Variants in MICU1 observed in about 807,000 individuals in gnomAD.
MICU1 encodes the protein mitochondrial calcium uptake 1.
MICU1 carries 45 observed loss-of-function variants against 56.8 expected under a neutral mutation model. The ratio of observed to expected loss-of-function variants is 0.79; its 90% confidence interval spans 0.62 to 1.02. MICU1 has a LOEUF of 1.02. Among genes scored for constraint, MICU1 ranks in the 50% least tolerant of loss-of-function variants. MICU1 has a pLI of 0.00. For missense variants in MICU1, 504 were observed against 587.1 expected (o/e 0.86, Z 1.46); for synonymous variants, 186 against 195.1 (o/e 0.95, Z 0.39).
At chr10:72,457,760 C>A (rs1865517621) in intron 8 of MICU1, among the ~76,000 whole-genome samples, 1 of 151,864 alleles carries the variant, frequency 6.6e-6, no homozygotes, top group African/African-American at 2.4e-5. Context: ...ATAGTCACCA[C>A]CACCACAACA....
chr10:72,383,808 G>GT (rs1186793678), intron 10 of MICU1, among the ~76,000 whole-genome samples: 1 of 151,736 alleles, frequency 6.6e-6, no homozygotes, highest in Admixed American at 6.6e-5. Context: ...TTTTTTGTTT[G>GT]TTTTTTTGAG....
intron 1 of MICU1, among the ~76,000 whole-genome samples, chr10:72,583,781 A>G (rs1394330389): frequency 6.6e-6 from 1 of 152,222 alleles, no homozygotes; most frequent in Non-Finnish European, 1.5e-5. Flanking sequence ...GATGAAATGA[A>G]TATTTCAAGT....
At chr10:72,470,835 A>G (rs537845206) in intron 8 of MICU1, among the ~76,000 whole-genome samples, 241 of 152,290 alleles carry the variant, frequency 1.6e-3, no homozygotes, top group South Asian at 4.8e-3. Context: ...ATTCTTTCAC[A>G]AGAGTCTATT....
intron 4 of MICU1, among the ~76,000 whole-genome samples, chr10:72,547,774 A>C (rs1839932992): frequency 6.6e-6 from 1 of 152,208 alleles, no homozygotes. Context: ...CAAATGACCT[A>C]CATTCTTCCA....
chr10:72,432,306 T>C (rs962098014), intron 8 of MICU1, among the ~76,000 whole-genome samples: 7 of 152,112 alleles, frequency 4.6e-5, no homozygotes, highest in African/African-American at 1.7e-4. Flanking sequence ...CCAAATTTTC[T>C]TTTTGTAGAG....
chr10:72,437,256 G>A (rs1243608425), intron 8 of MICU1, among the ~76,000 whole-genome samples: 2 of 152,168 alleles, frequency 1.3e-5, no homozygotes, highest in East Asian at 3.8e-4. Flanking sequence ...CATTCTTAAA[G>A]AAAAGAATTT....
At chr10:72,457,729 G>A (rs1159546556) in intron 8 of MICU1, among the ~76,000 whole-genome samples, 2 of 151,520 alleles carry the variant, frequency 1.3e-5, no homozygotes, top group African/African-American at 2.4e-5. Context: ...GAGAGAGACA[G>A]AGAGAGAGAC....
At chr10:72,377,989 C>T (rs1862579885) in intron 10 of MICU1, among the ~76,000 whole-genome samples, 1 of 152,200 alleles carries the variant, frequency 6.6e-6, no homozygotes, top group Non-Finnish European at 1.5e-5. Context: ...GTGGCTTACA[C>T]CTGTAATCCC....
intron 8 of MICU1, among the ~76,000 whole-genome samples, chr10:72,438,341 T>C (rs528856520): frequency 6.6e-6 from 1 of 152,330 alleles, no homozygotes; most frequent in East Asian, 1.9e-4. Flanking sequence ...AGATGTTCTT[T>C]GAAACCAATG....
At chr10:72,509,618 T>A (rs1351425276) in intron 5 of MICU1, among the ~76,000 whole-genome samples, 1 of 152,202 alleles carries the variant, frequency 6.6e-6, no homozygotes, top group African/African-American at 2.4e-5. Flanking sequence ...CAGTAGTAGG[T>A]TTTGATGGCG....
chr10:72,581,542 C>T (rs1483955760), intron 1 of MICU1, among the ~76,000 whole-genome samples: 7 of 152,074 alleles, frequency 4.6e-5, no homozygotes, highest in Non-Finnish European at 8.8e-5. Context: ...GCAGGAGAAT[C>T]GCTTGAACTT....
chr10:72,556,005 C>T (rs1462114655), intron 3 of MICU1, among the ~76,000 whole-genome samples: 1 of 152,158 alleles, frequency 6.6e-6, no homozygotes, highest in African/African-American at 2.4e-5. Context: ...TCCCTGTGGA[C>T]CCTGATGTCA....
At position 72,551,244 on chromosome 10, in the gene MICU1, G is replaced by A. The variant is rs745915364; in HGVS notation, c.428C>T (p.Ala143Val). ...TLKVISEPGE[A>V]EVFMTPEDFV... ...ATCTTCTGGTGTCATAAACACTTCTGCTTCACCAGGCTCACTGATGACTTT... is the reference window on the plus strand; with the variant it reads ...ATCTTCTGGTGTCATAAACACTTCTACTTCACCAGGCTCACTGATGACTTT... The change falls in exon 4 of 12, where the codon GCA becomes GTA. Residue 143 changes from alanine (A) to valine (V), a missense_variant. Ala to Val is a moderately conservative substitution (Grantham distance 64, BLOSUM62 0). Transcript: ENST00000361114. The A allele has an allele frequency of 1.2e-6, 2 of 1,613,078 alleles. No homozygotes were observed. The highest frequency in any genetic ancestry group is 1.1e-5 in the South Asian group (1 of 90,926).
chr10:72,394,069 T>G (rs1324240304), intron 10 of MICU1, among the ~76,000 whole-genome samples: 1 of 152,114 alleles, frequency 6.6e-6, no homozygotes, highest in Non-Finnish European at 1.5e-5. Context: ...GCCCAGCTGA[T>G]AGTGCCTATT....
rs1208222200 is a variant in MICU1, at chr10:72,444,151, T to A, written c.934-20780A>T. 4.0e-5 allele frequency among the ~76,000 whole-genome samples: 6 copies of A among 148,348 alleles called. No homozygotes were observed. In the East Asian group the frequency reaches 1.2e-3, roughly 30 times the overall value. ...AAAACCAAACACCGCATATTCTCAC[T>A]CATAGGTGGGAATTGAACAATGAGA... On this transcript the variant is annotated intron_variant, in intron 8 of 11. Transcript: ENST00000361114.
At chr10:72,574,122 A>G (rs1840683569) in intron 1 of MICU1, among the ~76,000 whole-genome samples, 1 of 152,164 alleles carries the variant, frequency 6.6e-6, no homozygotes. Context: ...CTGTACTATT[A>G]ACCAACTATT....
intron 8 of MICU1, among the ~76,000 whole-genome samples, chr10:72,433,429 AT>A (rs1230364146): frequency 0.052 from 6,228 of 120,644 alleles, 373 homozygotes; most frequent in African/African-American, 0.16. Flanking sequence ...GTATTTTTGT[AT>A]TTTTTTTTTT....
chr10:72,537,971 T>C (rs1839678178), intron 4 of MICU1, among the ~76,000 whole-genome samples: 1 of 152,122 alleles, frequency 6.6e-6, no homozygotes, highest in Non-Finnish European at 1.5e-5. Context: ...GAGCATACAA[T>C]TAGTTCAATA....
intron 5 of MICU1, among the ~76,000 whole-genome samples, chr10:72,510,784 C>A (rs988297880): frequency 6.6e-6 from 1 of 152,082 alleles, no homozygotes; most frequent in African/African-American, 2.4e-5. Flanking sequence ...AGATGCACAC[C>A]ACCACGCCCA....
Sources: allele counts gnomAD v4.1 joint callset (sites outside exome capture counted in the v4.1 genomes callset), GRCh38; gene constraint gnomAD v4.1.1; transcripts MANE v1.5; gene names NCBI Gene and HGNC (gene_info 2026-07-23, HGNC 2026-07-21).